The following EPSTI1 variants were observed in gnomAD, a reference collection of about 807,000 sequenced individuals.
EPSTI1 encodes epithelial-stromal interaction protein 1.
A neutral mutation model predicts 49.9 loss-of-function variants in EPSTI1; 66 were observed. The observed-to-expected ratio is 1.32, with a 90% CI of 1.08 to 1.62. The LOEUF (loss-of-function observed/expected upper bound fraction) is 1.62. Ranked by LOEUF, EPSTI1 falls within the 40% of genes most tolerant of loss-of-function variation. The pLI is 0.00. For synonymous variants in EPSTI1, 137 were observed against 130.7 expected, an observed-to-expected ratio of 1.05 and a Z score of -0.33; for missense variants, 394 against 365.5, an observed-to-expected ratio of 1.08 and a Z score of -0.64.
At chr13:42,921,390 T>A (rs73468071) in intron 7 of EPSTI1, among the ~76,000 whole-genome samples, 2,375 of 152,210 alleles carry the variant, frequency 0.016, 55 homozygotes, top group African/African-American at 0.054. Flanking sequence ...TCAATAAAAA[T>A]GCAAGCAAAG....
chr13:42,918,393 G>A (rs2037898938), intron 7 of EPSTI1, among the ~76,000 whole-genome samples: 1 of 152,170 alleles, frequency 6.6e-6, no homozygotes, highest in Non-Finnish European at 1.5e-5. Context: ...AAGGCAAAGA[G>A]CTAATGCTTA....
At chr13:42,893,938 G>A (rs184991546) in intron 10 of EPSTI1, among the ~76,000 whole-genome samples, 19 of 152,262 alleles carry the variant, frequency 1.2e-4, no homozygotes, top group East Asian at 3.9e-4. Flanking sequence ...AAGATCCTGC[G>A]TTTCAATTAT....
intron 6 of EPSTI1, among the ~76,000 whole-genome samples, chr13:42,935,551 A>C (rs2038531569): frequency 1.3e-5 from 2 of 152,130 alleles, no homozygotes; most frequent in Admixed American, 1.3e-4. Context: ...GCTTCATCCT[A>C]CCGAATTCTT....
intron 1 of EPSTI1, among the ~76,000 whole-genome samples, chr13:42,970,919 GTGTAC>G (rs1329722858): frequency 1.3e-5 from 2 of 152,162 alleles, no homozygotes; most frequent in Non-Finnish European, 2.9e-5. Context: ...TGACTAGTTG[GTGTAC>G]TGTCCTTGTA....
At chr13:42,901,576 TCA>T (rs1345287710) in intron 8 of EPSTI1, among the ~76,000 whole-genome samples, 1 of 152,194 alleles carries the variant, frequency 6.6e-6, no homozygotes, top group African/African-American at 2.4e-5. Flanking sequence ...TGCTCAAGTC[TCA>T]CTCTTGCACA....
At chr13:42,941,496 G>A (rs9594835) in intron 6 of EPSTI1, among the ~76,000 whole-genome samples, 6,762 of 151,586 alleles carry the variant, frequency 0.045, 501 homozygotes, top group African/African-American at 0.15. Context: ...TGGTGCACAC[G>A]TGTAGTCCCC....
intron 6 of EPSTI1, among the ~76,000 whole-genome samples, chr13:42,941,869 A>G (rs1208738346): frequency 2.0e-5 from 3 of 152,080 alleles, no homozygotes; most frequent in Non-Finnish European, 4.4e-5. Context: ...TTTTATGTCT[A>G]TACAATTATG....
intron 6 of EPSTI1, among the ~76,000 whole-genome samples, chr13:42,943,395 T>C (rs2038821884): frequency 6.6e-6 from 1 of 152,232 alleles, no homozygotes; most frequent in African/African-American, 2.4e-5. Context: ...GTATTCAGCG[T>C]CTCTTTCCAA....
chr13:42,949,219 G>C (rs543207287), intron 6 of EPSTI1, among the ~76,000 whole-genome samples: 69 of 152,336 alleles, frequency 4.5e-4, no homozygotes, highest in Middle Eastern at 6.8e-3. Context: ...TGCATATGTA[G>C]AGACACTCTT....
In EPSTI1 at chr13:42,899,072, C is replaced by A. The variant is rs569229664; in HGVS notation, c.815+1238G>T. Among the ~76,000 whole-genome samples the A allele has an allele frequency of 7.2e-5, 11 of 151,962 alleles. No homozygotes were observed. The South Asian group carries it at 2.3e-3, about 32-fold the overall frequency. ...AATTAGCTGGGCATGGTGGCACGTG[C>A]CTGTAATCCCAACTACTCAGGAGGC... On this transcript the variant is annotated intron_variant, in intron 9 of 10. Coordinates refer to ENST00000313624, the MANE Select transcript of EPSTI1 (RefSeq NM_033255.5).
chr13:42,892,730 A>G (rs1486320241), intron 10 of EPSTI1, among the ~76,000 whole-genome samples: 1 of 152,202 alleles, frequency 6.6e-6, no homozygotes, highest in African/African-American at 2.4e-5. Flanking sequence ...ATCTAATTTC[A>G]TAAGAATGAA....
intron 8 of EPSTI1, among the ~76,000 whole-genome samples, chr13:42,901,652 T>C (rs1295067988): frequency 1.3e-5 from 2 of 152,230 alleles, no homozygotes; most frequent in Non-Finnish European, 2.9e-5. Flanking sequence ...AGTATACCAA[T>C]GTGAAAGAAG....
At chr13:42,892,155 G>A (rs1259541877) in intron 10 of EPSTI1, among the ~76,000 whole-genome samples, 1 of 152,250 alleles carries the variant, frequency 6.6e-6, no homozygotes, top group East Asian at 1.9e-4. Flanking sequence ...AGCAGCAGGA[G>A]AGCCAGAGGG....
chr13:42,916,812 C>T lies in EPSTI1; in HGVS notation c.741+729G>A, dbSNP rs552147044. Among the ~76,000 whole-genome samples the T allele has an allele frequency of 2.6e-4, 40 of 152,246 alleles. 1 individual carries two copies. The highest frequency in any genetic ancestry group is 9.1e-4 in the African/African-American group (38 of 41,550). ...GCCCCACCCCACTCCCTTTTCTTCTCGTTTAAAGGATCTGAAATAAAGTGG... is the reference window on the plus strand; with the variant it reads ...GCCCCACCCCACTCCCTTTTCTTCTTGTTTAAAGGATCTGAAATAAAGTGG... On this transcript the variant is annotated intron_variant, in intron 8 of 10. Transcript: ENST00000313624.
In EPSTI1 at chr13:42,908,928, C is replaced by CAA. The variant is rs60335271; in HGVS notation, c.742-8547_742-8546dup. 3.9e-3 allele frequency among the ~76,000 whole-genome samples: 516 copies of CAA among 133,388 alleles called. 3 individuals are homozygous for CAA. Among genetic ancestry groups the CAA allele is most frequent in the East Asian group, 4.8e-3 (22 of 4,606 alleles). 87.5% of individuals were successfully genotyped at this position (133,388 alleles called of 152,430 possible). A position where few individuals can be genotyped will look rare whatever the true frequency, so the allele number is the denominator to read the frequency against. On this transcript the variant is annotated intron_variant, in intron 8 of 10. Coordinates refer to ENST00000313624, the MANE Select transcript of EPSTI1 (RefSeq NM_033255.5). Reference sequence around the variant, plus strand: ...TGAAACCCTGTCTCGACTAAAAATACAAAAAAAAAAAAAAAATAGCTGGGT... The same window carrying CAA: ...TGAAACCCTGTCTCGACTAAAAATACAAAAAAAAAAAAAAAAAATAGCTGGGT...
intron 6 of EPSTI1, among the ~76,000 whole-genome samples, chr13:42,928,899 T>C (rs2038272502): frequency 6.6e-6 from 1 of 152,280 alleles, no homozygotes; most frequent in Non-Finnish European, 1.5e-5. Flanking sequence ...CATACATTGT[T>C]CTCCTGGCTG....
chr13:42,945,605 C>T (rs1254886736), intron 6 of EPSTI1, among the ~76,000 whole-genome samples: 1 of 152,192 alleles, frequency 6.6e-6, no homozygotes, highest in Non-Finnish European at 1.5e-5. Context: ...GAAAACTAAA[C>T]TTGACAAAAC....
chr13:42,916,730 A>G (rs899609879), intron 8 of EPSTI1, among the ~76,000 whole-genome samples: 1 of 152,234 alleles, frequency 6.6e-6, no homozygotes, highest in Admixed American at 6.5e-5. Flanking sequence ...TAGTATGACA[A>G]GAGGAAAAGT....
At chr13:42,931,798 T>A (rs1024095565) in intron 6 of EPSTI1, among the ~76,000 whole-genome samples, 13 of 152,202 alleles carry the variant, frequency 8.5e-5, no homozygotes, top group Admixed American at 2.6e-4. Flanking sequence ...CATTTTATGA[T>A]ATGGATATAA....
Sources: allele counts gnomAD v4.1 joint callset (sites outside exome capture counted in the v4.1 genomes callset), GRCh38; gene constraint gnomAD v4.1.1; transcripts MANE v1.5; gene names NCBI Gene and HGNC (gene_info 2026-07-23, HGNC 2026-07-21).